Variants in ADGRB3 observed in about 807,000 individuals in gnomAD.
The protein encoded by ADGRB3 is adhesion G protein-coupled receptor B3.
ADGRB3 carries 37 observed loss-of-function variants against 193.4 expected under a neutral mutation model. The observed-to-expected ratio is 0.19, with a 90% CI of 0.15 to 0.25. The LOEUF (loss-of-function observed/expected upper bound fraction) is 0.25. Ranked by LOEUF, ADGRB3 falls within the 10% of genes least tolerant of loss-of-function variation. The pLI, the probability that ADGRB3 is intolerant of heterozygous loss-of-function variation, is 1.00. For synonymous variants in ADGRB3, 690 were observed against 644.2 expected, an observed-to-expected ratio of 1.07 and a Z score of -1.08; for missense variants, 1,637 against 1,852.9, an observed-to-expected ratio of 0.88 and a Z score of 2.14.
chr6:69,197,141 GT>G (rs1204088841), intron 17 of ADGRB3, among the ~76,000 whole-genome samples: 1 of 151,798 alleles, frequency 6.6e-6, no homozygotes, highest in East Asian at 1.9e-4. Flanking sequence ...AAGACAAAAG[GT>G]TTTTTAAAAA....
intron 17 of ADGRB3, among the ~76,000 whole-genome samples, chr6:69,180,866 A>G (rs1003324611): frequency 4.6e-5 from 7 of 152,138 alleles, no homozygotes; most frequent in African/African-American, 1.7e-4. Context: ...AGAATGGCTG[A>G]TTTTGTATGC....
At chr6:68,810,986 A>G (rs962171645) in intron 3 of ADGRB3, among the ~76,000 whole-genome samples, 2 of 152,156 alleles carry the variant, frequency 1.3e-5, no homozygotes, top group African/African-American at 4.8e-5. Context: ...TGCTTTATGA[A>G]TTTGAAACAT....
intron 3 of ADGRB3, among the ~76,000 whole-genome samples, chr6:68,910,816 G>A (rs1766682450): frequency 6.6e-6 from 1 of 152,164 alleles, no homozygotes; most frequent in African/African-American, 2.4e-5. Flanking sequence ...TAGCCTTGTA[G>A]TATAGTTTGA....
intron 17 of ADGRB3, among the ~76,000 whole-genome samples, chr6:69,090,668 G>C (rs1772680031): frequency 6.6e-6 from 1 of 152,204 alleles, no homozygotes; most frequent in African/African-American, 2.4e-5. Context: ...CGGCCACAAA[G>C]TCAAATAAAG....
At chr6:69,052,345 T>C (rs1290553424) in intron 15 of ADGRB3, among the ~76,000 whole-genome samples, 1 of 152,214 alleles carries the variant, frequency 6.6e-6, no homozygotes, top group Non-Finnish European at 1.5e-5. Context: ...TTGAACTCAA[T>C]AGGAAAGATC....
At chr6:68,809,943 A>G (rs751934123) in intron 3 of ADGRB3, among the ~76,000 whole-genome samples, 3 of 152,132 alleles carry the variant, frequency 2.0e-5, no homozygotes, top group Non-Finnish European at 4.4e-5. Context: ...TGAAAAGTTC[A>G]TTTTTACTTT....
intron 3 of ADGRB3, among the ~76,000 whole-genome samples, chr6:68,819,778 A>G (rs891625508): frequency 6.6e-6 from 1 of 152,122 alleles, no homozygotes; most frequent in Non-Finnish European, 1.5e-5. Flanking sequence ...AATAGATAAA[A>G]GAGTTAAATT....
At chr6:69,034,778 T>C (rs1770818787) in intron 13 of ADGRB3, among the ~76,000 whole-genome samples, 1 of 151,678 alleles carries the variant, frequency 6.6e-6, no homozygotes, top group Admixed American at 6.6e-5. Context: ...CCATCACTCA[T>C]TTAGTGTTAG....
At chr6:68,912,072 G>A (rs2150237789) in intron 3 of ADGRB3, among the ~76,000 whole-genome samples, 1 of 152,140 alleles carries the variant, frequency 6.6e-6, no homozygotes, top group African/African-American at 2.4e-5. Flanking sequence ...CAGATTGCAA[G>A]CCTGGTAAAA....
chr6:68,895,955 A>G (rs1766208115), intron 3 of ADGRB3, among the ~76,000 whole-genome samples: 1 of 152,130 alleles, frequency 6.6e-6, no homozygotes. Context: ...AGTGAGAGGC[A>G]AAGCAAAAAA....
intron 20 of ADGRB3, among the ~76,000 whole-genome samples, chr6:69,262,018 G>T (rs1228764469): frequency 1.3e-5 from 2 of 151,958 alleles, no homozygotes; most frequent in Non-Finnish European, 2.9e-5. Context: ...TGTATCTCTT[G>T]TGAATACATA....
At chr6:68,795,561 G>C (rs2127368466) in intron 3 of ADGRB3, among the ~76,000 whole-genome samples, 1 of 152,142 alleles carries the variant, frequency 6.6e-6, no homozygotes, top group Non-Finnish European at 1.5e-5. Flanking sequence ...AGCTGCTAGA[G>C]GTCAAATCAA....
In ADGRB3 at chr6:68,749,408, A is replaced by ATATGTG. The variant is rs540892508; in HGVS notation, c.757+109977_757+109978insATGTGT. On this transcript the variant is annotated intron_variant, in intron 3 of 31. Transcript: ENST00000370598. ...TAAACTCCCCTTTATATATATATAT[A>ATATGTG]TGTGTGTGTGTGTGTGTGTGTGTGT... is the stretch of plus-strand genomic sequence containing the variant. Among the ~76,000 whole-genome samples the ATATGTG allele has an allele frequency of 5.1e-3, 693 of 136,544 alleles. 7 individuals are homozygous for ATATGTG. Among genetic ancestry groups the ATATGTG allele is most frequent in the African/African-American group, 7.1e-3 (256 of 35,820 alleles). 89.6% of individuals were successfully genotyped at this position (136,544 alleles called of 152,430 possible).
intron 16 of ADGRB3, among the ~76,000 whole-genome samples, chr6:69,068,131 A>G (rs530378098): frequency 6.6e-6 from 1 of 152,280 alleles, no homozygotes; most frequent in East Asian, 1.9e-4. Context: ...CTCATGGGCT[A>G]TTGTCAACCC....
At chr6:69,047,146 A>G (rs558330028) in intron 13 of ADGRB3, among the ~76,000 whole-genome samples, 41 of 152,302 alleles carry the variant, frequency 2.7e-4, no homozygotes, top group Non-Finnish European at 5.4e-4. Context: ...GGCGTGAGCC[A>G]CCGCACCCAG....
At chr6:69,265,862 T>C (rs1328358583) in intron 20 of ADGRB3, among the ~76,000 whole-genome samples, 1 of 151,964 alleles carries the variant, frequency 6.6e-6, no homozygotes, top group Admixed American at 6.6e-5. Context: ...TGCTCATCTG[T>C]AGAAGACAAA....
At chr6:68,771,385 TACACACACAC>T (rs3040851) in intron 3 of ADGRB3, among the ~76,000 whole-genome samples, 4 of 147,982 alleles carry the variant, frequency 2.7e-5, no homozygotes, top group South Asian at 2.1e-4. Flanking sequence ...AGGGAATATA[TACACACACAC>T]ACACACACAC....
At chr6:68,797,549 T>C (rs570839939) in intron 3 of ADGRB3, among the ~76,000 whole-genome samples, 2 of 152,150 alleles carry the variant, frequency 1.3e-5, no homozygotes, top group African/African-American at 4.8e-5. Context: ...AAGTCCAGAG[T>C]CATTTTTCCA....
At chr6:68,714,316 C>T (rs544248534) in intron 3 of ADGRB3, among the ~76,000 whole-genome samples, 1 of 151,792 alleles carries the variant, frequency 6.6e-6, no homozygotes, top group Admixed American at 6.6e-5. Flanking sequence ...AAAACAAAAA[C>T]ATATCAAAGA....
Sources: allele counts gnomAD v4.1 joint callset (sites outside exome capture counted in the v4.1 genomes callset), GRCh38; gene constraint gnomAD v4.1.1; transcripts MANE v1.5; gene names NCBI Gene and HGNC (gene_info 2026-07-23, HGNC 2026-07-21).